Variants in CDC20B observed in about 807,000 individuals in gnomAD.
CDC20B encodes the protein cell division cycle 20B, also known as cell division cycle protein 20 homolog B.
Under a neutral mutation model 64.1 loss-of-function variants are expected in CDC20B, and 58 were observed. That is an observed-to-expected ratio of 0.90 (90% confidence interval 0.73 to 1.13). The LOEUF (loss-of-function observed/expected upper bound fraction) is 1.13. CDC20B is among the 50% of genes most tolerant of loss of function. The probability of loss-of-function intolerance (pLI) is 0.00; values close to 1 mark genes in which losing one functional copy is unlikely to be tolerated. For synonymous variants in CDC20B, 243 were observed against 230.6 expected, an observed-to-expected ratio of 1.05 and a Z score of -0.49; for missense variants, 597 against 633.0, an observed-to-expected ratio of 0.94 and a Z score of 0.61.
chr5:55,167,120 G>C (rs1744436622), intron 2 of CDC20B: 1 of 152,132 alleles, frequency 6.6e-6, no homozygotes, highest in Admixed American at 6.6e-5. Context: ...TTGTGAAAAA[G>C]GAAAAGGACA....
intron 6 of CDC20B, among the ~76,000 whole-genome samples, chr5:55,131,297 T>C (rs1231485738): frequency 2.0e-5 from 3 of 152,172 alleles, no homozygotes; most frequent in East Asian, 1.9e-4. Context: ...TAAAATTACA[T>C]TGTAATCCCT....
chr5:55,153,879 A>C (rs1743740843), intron 2 of CDC20B, among the ~76,000 whole-genome samples: 3 of 152,300 alleles, frequency 2.0e-5, no homozygotes, highest in Admixed American at 2.0e-4. Flanking sequence ...TGCAGTGAAA[A>C]AGATTGGCAG....
chr5:55,155,519 TGCA>T (rs1453069267), intron 2 of CDC20B, among the ~76,000 whole-genome samples: 1 of 152,114 alleles, frequency 6.6e-6, no homozygotes, highest in African/African-American at 2.4e-5. Context: ...ACCAGCCCAA[TGCA>T]GCAGCATTCT....
chr5:55,135,437 C>T (rs1432855472), intron 5 of CDC20B, among the ~76,000 whole-genome samples: 1 of 152,164 alleles, frequency 6.6e-6, no homozygotes, highest in African/African-American at 2.4e-5. Context: ...CATGTCCCCA[C>T]ATATTTTATT....
At chr5:55,129,888 C>T (rs1742985725) in intron 6 of CDC20B, among the ~76,000 whole-genome samples, 3 of 152,224 alleles carry the variant, frequency 2.0e-5, no homozygotes, top group Non-Finnish European at 4.4e-5. Flanking sequence ...ACATTCTCCA[C>T]AGGACCCAGT....
intron 2 of CDC20B, 34 bp from the exon 3 acceptor site, chr5:55,146,890 G>GGAAA (rs750412123): frequency 6.5e-7 from 1 of 1,533,362 alleles, no homozygotes; most frequent in Non-Finnish European, 9.0e-7. Context: ...TAAGTCCACT[G>GGAAA]GCCTCAGTGA....
chr5:55,140,419 C>A lies in CDC20B; in HGVS notation c.487-12G>T. 1 of 1,569,536 alleles carries A rather than the reference C, an allele frequency of 6.4e-7. No individual in the cohort carries two copies. The highest frequency in any genetic ancestry group is 8.8e-7 in the Non-Finnish European group (1 of 1,141,544). On this transcript the variant is annotated splice_polypyrimidine_tract_variant and intron_variant, in intron 4 of 11. Transcript: ENST00000381375. ...TGTTTTAGGCATTTCTGAAAATAAACACACATAAGGAGAATATTTCTTTAA... is the reference window on the plus strand; with the variant it reads ...TGTTTTAGGCATTTCTGAAAATAAAAACACATAAGGAGAATATTTCTTTAA...
chr5:55,161,652 T>C (rs557452430), intron 2 of CDC20B, among the ~76,000 whole-genome samples: 2 of 152,368 alleles, frequency 1.3e-5, no homozygotes, highest in African/African-American at 4.8e-5. Context: ...AGTTAACATA[T>C]GTTTGTGGCT....
At chr5:55,146,027 A>AT (rs564352506) in intron 3 of CDC20B, among the ~76,000 whole-genome samples, 29 of 152,214 alleles carry the variant, frequency 1.9e-4, no homozygotes, top group Non-Finnish European at 3.5e-4. Context: ...ATACATATAC[A>AT]TTCATACAAT....
At chr5:55,143,773 C>T (rs572186415) in intron 3 of CDC20B, 130 bp from the exon 4 acceptor site, 2 of 850,246 alleles carry the variant, frequency 2.4e-6, no homozygotes, top group Admixed American at 3.0e-5. Flanking sequence ...ACTCCAAAGT[C>T]CATTGCAGAG....
In CDC20B at chr5:55,136,318, G is replaced by A. The variant is rs371333285; in HGVS notation, c.581-2790C>T. Among the ~76,000 whole-genome samples, 280 of 152,066 alleles carry A rather than the reference G, an allele frequency of 1.8e-3. 2 individuals carry two copies. In the Middle Eastern group the frequency reaches 0.02, roughly 11 times the overall value. Reference sequence around the variant, plus strand: ...TTCACACCTGTAATCCCAGCACTTTGGGAGGCCAAGGTGGGCAGATCATTT... The same window carrying A: ...TTCACACCTGTAATCCCAGCACTTTAGGAGGCCAAGGTGGGCAGATCATTT... On this transcript the variant is annotated intron_variant, in intron 5 of 11. Coordinates refer to ENST00000381375, the MANE Select transcript of CDC20B (RefSeq NM_001170402.1).
intron 5 of CDC20B, among the ~76,000 whole-genome samples, chr5:55,135,041 T>C (rs766971015): frequency 7.2e-5 from 11 of 152,194 alleles, no homozygotes; most frequent in Non-Finnish European, 1.0e-4. Context: ...ACTATGGACT[T>C]TTGGTGACCA....
At chr5:55,167,104 T>C (rs1744434752) in intron 2 of CDC20B, 1 of 152,140 alleles carries the variant, frequency 6.6e-6, no homozygotes, top group Non-Finnish European at 1.5e-5. Flanking sequence ...TATTCAGCTG[T>C]CGTTCTTGTG....
At chr5:55,171,864 C>G (rs1300139835) in intron 2 of CDC20B, among the ~76,000 whole-genome samples, 1 of 152,156 alleles carries the variant, frequency 6.6e-6, no homozygotes, top group Admixed American at 6.5e-5. Flanking sequence ...CTCAGCATCC[C>G]AAAGTGCCGG....
chr5:55,153,856 A>G (rs1407981603), intron 2 of CDC20B, among the ~76,000 whole-genome samples: 1 of 152,208 alleles, frequency 6.6e-6, no homozygotes, highest in African/African-American at 2.4e-5. Flanking sequence ...CATAAGATGG[A>G]AGAGAATCAA....
intron 2 of CDC20B, among the ~76,000 whole-genome samples, chr5:55,151,049 C>T (rs980297438): frequency 6.6e-6 from 1 of 152,092 alleles, no homozygotes; most frequent in Non-Finnish European, 1.5e-5. Context: ...CAGGGCCACT[C>T]GAACTTTCAT....
intron 2 of CDC20B, among the ~76,000 whole-genome samples, chr5:55,170,355 G>GA (rs1744557246): frequency 6.6e-6 from 1 of 152,052 alleles, no homozygotes; most frequent in African/African-American, 2.4e-5. Context: ...TTCTTAAAAG[G>GA]AAAAAATTTA....
In CDC20B at chr5:55,172,981, C is replaced by A. The variant is rs1358166179; in HGVS notation, c.20G>T (p.Arg7Leu). The change falls in exon 1 of 12, where the codon CGC (arginine) becomes CTC (leucine). Residue 7 changes from arginine (R) to leucine (L), a missense_variant. By Grantham distance (102) the Arg-to-Leu change is moderately radical. Coordinates refer to ENST00000381375, the MANE Select transcript of CDC20B (RefSeq NM_001170402.1). MEWKLERTAPRRVRTEE... is the reference protein window; with the variant it reads MEWKLELTAPRRVRTEE... ...CGTGCGGACCCTCCGAGGCGCGGTGCGCTCCAGTTTCCACTCCATCTCCGG... is the reference window on the plus strand; with the variant it reads ...CGTGCGGACCCTCCGAGGCGCGGTGAGCTCCAGTTTCCACTCCATCTCCGG... 11 of 1,611,822 alleles carry A rather than the reference C, an allele frequency of 6.8e-6. No homozygotes were observed. The highest frequency in any genetic ancestry group is 1.3e-5 in the African/African-American group (1 of 74,864).
intron 6 of CDC20B, among the ~76,000 whole-genome samples, chr5:55,130,661 G>A (rs1743007267): frequency 6.6e-6 from 1 of 152,190 alleles, no homozygotes; most frequent in South Asian, 2.1e-4. Flanking sequence ...AGGCTAAAGG[G>A]ACAATATATG....
Sources: gnomAD v4.1 joint callset for allele counts (sites outside exome capture counted in the v4.1 genomes callset) on GRCh38, gnomAD v4.1.1 for gene constraint, MANE v1.5 for transcripts, NCBI Gene and HGNC (gene_info 2026-07-23, HGNC 2026-07-21) for gene names.